Variants in STK39 observed in about 807,000 individuals in gnomAD.
The protein encoded by STK39 is serine/threonine kinase 39, also known as STE20/SPS1-related proline-alanine-rich protein kinase.
A neutral mutation model predicts 77.8 loss-of-function variants in STK39; 20 were observed. That is an observed-to-expected ratio of 0.26 (90% CI 0.18 to 0.37). The LOEUF is 0.37. Ranked by LOEUF, STK39 falls within the 10% of genes least tolerant of loss-of-function variation. The probability of loss-of-function intolerance (pLI) is 1.00; values close to 1 mark genes in which losing one functional copy is unlikely to be tolerated. For synonymous variants in STK39, 246 were observed against 234.1 expected (o/e 1.05, Z -0.47); for missense variants, 479 against 656.5 (o/e 0.73, Z 2.95).
intron 1 of STK39, among the ~76,000 whole-genome samples, chr2:168,239,549 C>G (rs372228202): frequency 2.3e-4 from 35 of 152,168 alleles, no homozygotes; most frequent in Admixed American, 2.6e-4. Context: ...TTGGCCCAAA[C>G]GCAACTAAAT....
At chr2:167,971,143 G>A (rs67329126) in intron 16 of STK39, among the ~76,000 whole-genome samples, 26,371 of 152,092 alleles carry the variant, frequency 0.17, 2,462 homozygotes, top group East Asian at 0.38. Context: ...CTCTCGGAGC[G>A]GCTGGAGATA....
At chr2:167,959,158 A>G (rs986977586) in intron 17 of STK39, among the ~76,000 whole-genome samples, 3 of 152,012 alleles carry the variant, frequency 2.0e-5, no homozygotes, top group Non-Finnish European at 4.4e-5. Context: ...TCACTCTGTC[A>G]CCCAGGCTGG....
intron 14 of STK39, among the ~76,000 whole-genome samples, chr2:168,050,228 A>G (rs1205508413): frequency 2.6e-5 from 4 of 152,252 alleles, no homozygotes. Flanking sequence ...GGAATGTGAC[A>G]GGCACTGCAT....
chr2:168,159,951 G>A (rs1029585847), intron 5 of STK39, among the ~76,000 whole-genome samples: 4 of 152,124 alleles, frequency 2.6e-5, no homozygotes, highest in African/African-American at 9.7e-5. Flanking sequence ...GTGCAGGCAC[G>A]TACTGGGTCA....
chr2:168,048,386 G>C (rs1055003895), intron 14 of STK39, among the ~76,000 whole-genome samples: 1 of 151,980 alleles, frequency 6.6e-6, no homozygotes, highest in Non-Finnish European at 1.5e-5. Flanking sequence ...CTAATTTTTT[G>C]TATTTTTAGT....
intron 1 of STK39, among the ~76,000 whole-genome samples, chr2:168,232,969 T>C (rs1341592625): frequency 6.6e-6 from 1 of 151,980 alleles, no homozygotes; most frequent in Non-Finnish European, 1.5e-5. Flanking sequence ...GCAGCATTTA[T>C]GAAGACAATC....
chr2:168,073,550 A>C (rs183185676), intron 12 of STK39, among the ~76,000 whole-genome samples: 2 of 152,302 alleles, frequency 1.3e-5, no homozygotes, highest in East Asian at 3.9e-4. Flanking sequence ...TTAGCACAAC[A>C]TCTGTGTGGT....
intron 1 of STK39, among the ~76,000 whole-genome samples, chr2:168,197,079 C>G (rs938023987): frequency 6.6e-5 from 10 of 152,100 alleles, no homozygotes; most frequent in African/African-American, 2.4e-4. Flanking sequence ...TAAGATTGTA[C>G]GCAGGGCAAG....
intron 16 of STK39, 93 bp downstream of exon 16, chr2:168,012,541 A>T: frequency 1.1e-6 from 1 of 912,360 alleles, no homozygotes; most frequent in Non-Finnish European, 1.7e-6. Flanking sequence ...AAATATTCAG[A>T]GTGAATTATT....
intron 16 of STK39, among the ~76,000 whole-genome samples, chr2:167,989,914 C>A (rs1176056871): frequency 6.6e-6 from 1 of 151,988 alleles, no homozygotes; most frequent in Non-Finnish European, 1.5e-5. Flanking sequence ...CAAAAGTGAA[C>A]ATATTTTTAA....
At chr2:168,236,210 G>C (rs574262424) in intron 1 of STK39, among the ~76,000 whole-genome samples, 4 of 152,292 alleles carry the variant, frequency 2.6e-5, no homozygotes, top group African/African-American at 9.6e-5. Context: ...AGCCAGCGAT[G>C]ATGAGCATTT....
chr2:168,214,361 A>G (rs1229848719), intron 1 of STK39, among the ~76,000 whole-genome samples: 2 of 152,222 alleles, frequency 1.3e-5, no homozygotes, highest in Non-Finnish European at 2.9e-5. Flanking sequence ...AAGATCACAT[A>G]TTGTTTAATT....
rs1338903923 is a variant in STK39 at position 168,042,496 on chromosome 2, A to C, written c.1376+21004T>G. On this transcript the variant is annotated intron_variant, in intron 14 of 17. Coordinates refer to ENST00000355999, the MANE Select transcript of STK39 (RefSeq NM_013233.3). ...AGTCCGGTTAGCCCAGTTCAAAGGT[A>C]GGGGTTACAATGGAGTCTGGGCATT... Among the ~76,000 whole-genome samples the C allele has an allele frequency of 3.3e-5, 5 of 151,976 alleles. No homozygotes were observed. The South Asian group carries it at 8.3e-4, about 25-fold the overall frequency.
intron 1 of STK39, among the ~76,000 whole-genome samples, chr2:168,245,581 C>G (rs775530903): frequency 1.3e-5 from 2 of 152,188 alleles, no homozygotes; most frequent in Non-Finnish European, 2.9e-5. Flanking sequence ...ATTTAGTACA[C>G]AAAGATGGGC....
intron 16 of STK39, among the ~76,000 whole-genome samples, chr2:168,007,436 T>C (rs907194642): frequency 6.6e-6 from 1 of 152,198 alleles, no homozygotes; most frequent in Non-Finnish European, 1.5e-5. Context: ...GCACTGGGAA[T>C]GTGGCAATTA....
chr2:168,208,965 G>A (rs917781052), intron 1 of STK39, among the ~76,000 whole-genome samples: 3 of 152,196 alleles, frequency 2.0e-5, no homozygotes, highest in Non-Finnish European at 4.4e-5. Flanking sequence ...GTGATGTGGG[G>A]TTGTTTGCTA....
intron 16 of STK39, among the ~76,000 whole-genome samples, chr2:167,981,286 C>T (rs900446284): frequency 6.6e-6 from 1 of 152,182 alleles, no homozygotes; most frequent in Non-Finnish European, 1.5e-5. Context: ...AACTGTACAA[C>T]GTGCTTAATA....
intron 10 of STK39, among the ~76,000 whole-genome samples, chr2:168,096,272 A>G (rs1475588532): frequency 6.6e-6 from 1 of 152,228 alleles, no homozygotes; most frequent in East Asian, 1.9e-4. Flanking sequence ...GGGTGACAGT[A>G]CAGCACAGTG....
At chr2:168,171,359 C>T (rs1484676557) in intron 2 of STK39, among the ~76,000 whole-genome samples, 1 of 151,234 alleles carries the variant, frequency 6.6e-6, no homozygotes, top group Non-Finnish European at 1.5e-5. Flanking sequence ...ACATTACGCG[C>T]GTCATGCTAG....
Sources: gnomAD v4.1 joint callset for allele counts (sites outside exome capture counted in the v4.1 genomes callset) on GRCh38, gnomAD v4.1.1 for gene constraint, MANE v1.5 for transcripts, NCBI Gene and HGNC (gene_info 2026-07-23, HGNC 2026-07-21) for gene names.